Variants in MRTFB observed in about 807,000 individuals in gnomAD.
MRTFB encodes the protein myocardin related transcription factor B.
In MRTFB, 29 loss-of-function variants were observed where a neutral mutation model predicts 104.2. The ratio of observed to expected loss-of-function variants is 0.28; its 90% CI spans 0.21 to 0.38. The LOEUF (loss-of-function observed/expected upper bound fraction) is 0.38, where lower values mean the gene tolerates loss of function less well. Among genes scored for constraint, MRTFB ranks in the 10% least tolerant of loss-of-function variants. MRTFB has a pLI of 1.00. For synonymous variants in MRTFB, 535 were observed against 519.5 expected (o/e 1.03, Z -0.41); for missense variants, 1,270 against 1,341.6 (o/e 0.95, Z 0.83).
the MRTFB span, among the ~76,000 whole-genome samples, chr16:14,040,011 G>C: frequency 3.3e-5 from 5 of 152,132 alleles, no homozygotes; most frequent in Non-Finnish European, 7.4e-5. Flanking sequence ...GCCTCCCAAA[G>C]TGCTGGGATT....
At chr16:14,190,814 C>CA (rs1488721088) in intron 3 of MRTFB, among the ~76,000 whole-genome samples, 1 of 152,206 alleles carries the variant, frequency 6.6e-6, no homozygotes, top group Non-Finnish European at 1.5e-5. Flanking sequence ...GGGCTCCTGT[C>CA]ATTGTGTGGC....
the MRTFB span, among the ~76,000 whole-genome samples, chr16:14,045,824 G>A: frequency 6.6e-6 from 1 of 152,184 alleles, no homozygotes; most frequent in Non-Finnish European, 1.5e-5. Flanking sequence ...CGGTGCCTGT[G>A]CCCTCTGGTG....
the MRTFB span, among the ~76,000 whole-genome samples, chr16:14,032,795 G>A: frequency 4.7e-4 from 72 of 152,202 alleles, no homozygotes; most frequent in African/African-American, 1.4e-3. Context: ...CAGAGATTTG[G>A]AGAATTGCTT....
At chr16:14,029,026 C>T in the MRTFB span, among the ~76,000 whole-genome samples, 1 of 151,352 alleles carries the variant, frequency 6.6e-6, no homozygotes, top group Non-Finnish European at 1.5e-5. Flanking sequence ...GGATCTTAAA[C>T]GGTAACCAGA....
At chr16:14,080,975 A>G (rs2034363073) in intron 2 of MRTFB, among the ~76,000 whole-genome samples, 1 of 152,208 alleles carries the variant, frequency 6.6e-6, no homozygotes, top group African/African-American at 2.4e-5. Context: ...GTGAGAGTGC[A>G]GATTATCTCT....
chr16:14,025,499 A>G, the MRTFB span, among the ~76,000 whole-genome samples: 1 of 152,204 alleles, frequency 6.6e-6, no homozygotes, highest in African/African-American at 2.4e-5. Context: ...GTTAGGTATT[A>G]GAGAATAAAT....
intron 2 of MRTFB, among the ~76,000 whole-genome samples, chr16:14,109,354 T>C (rs905604294): frequency 6.6e-6 from 1 of 151,972 alleles, no homozygotes; most frequent in Non-Finnish European, 1.5e-5. Context: ...ATGTACTCAG[T>C]TTAAGTTTCT....
At chr16:14,248,641 CCTTA>C in intron 12 of MRTFB, 1 of 305,630 alleles carries the variant, frequency 3.3e-6, no homozygotes, top group Non-Finnish European at 6.1e-6. Context: ...TGTAGAACTG[CCTTA>C]GGTTCTTATT....
rs760304960 is a variant in MRTFB at position 14,140,748 on chromosome 16, G to A, written c.142G>A (p.Glu48Lys). 4.3e-5 allele frequency: 69 copies of A among 1,613,826 alleles called. No individual in the cohort carries two copies. Among genetic ancestry groups the A allele is most frequent in the Non-Finnish European group, 5.3e-5 (62 of 1,179,978 alleles). ...CAGTCAAAACTTACCCCCTCTGAAC[G>A]AAAGGAAAAATGGTGAGTTCAGCAT... is the stretch of plus-strand genomic sequence containing the variant. ...QSSQNLPPLNERKNVLQLRLQ... is the reference protein window; with the variant it reads ...QSSQNLPPLNKRKNVLQLRLQ... Residue 48 changes from glutamate (E) to lysine (K), a missense_variant, in exon 3 of 17, where the codon GAA (glutamate) becomes AAA (lysine). Physicochemically the swap from Glu to Lys is moderately conservative, Grantham distance 56. Coordinates refer to ENST00000571589, the MANE Select transcript of MRTFB (RefSeq NM_001308142.2).
the MRTFB span, among the ~76,000 whole-genome samples, chr16:14,023,616 T>C: frequency 7.8e-4 from 44 of 56,456 alleles, no homozygotes; most frequent in East Asian, 7.3e-3. Context: ...CACACATACA[T>C]ATACATATAC....
At chr16:14,138,404 C>A (rs940870330) in intron 2 of MRTFB, among the ~76,000 whole-genome samples, 1 of 152,030 alleles carries the variant, frequency 6.6e-6, no homozygotes, top group African/African-American at 2.4e-5. Context: ...TAAAGAATTT[C>A]TTGTAGTGTG....
chr16:14,098,394 A>C (rs1220975759), intron 2 of MRTFB, among the ~76,000 whole-genome samples: 1 of 152,072 alleles, frequency 6.6e-6, no homozygotes, highest in African/African-American at 2.4e-5. Flanking sequence ...CAAATCTTTT[A>C]TATGTTTATT....
intron 3 of MRTFB, among the ~76,000 whole-genome samples, chr16:14,196,758 C>G (rs1362738043): frequency 6.6e-6 from 1 of 152,186 alleles, no homozygotes; most frequent in African/African-American, 2.4e-5. Context: ...TGGAAGTTTG[C>G]TTACCCAGTG....
chr16:14,242,409 TTTGTG>T (rs2042812856), intron 10 of MRTFB, among the ~76,000 whole-genome samples: 1 of 152,212 alleles, frequency 6.6e-6, no homozygotes, highest in Non-Finnish European at 1.5e-5. Context: ...AACACTTATT[TTTGTG>T]TATTATTTAA....
At chr16:14,033,564 C>G in the MRTFB span, among the ~76,000 whole-genome samples, 1 of 151,776 alleles carries the variant, frequency 6.6e-6, no homozygotes, top group South Asian at 2.1e-4. Flanking sequence ...AGACCAGGTA[C>G]AGTGGCTCAC....
the MRTFB span, among the ~76,000 whole-genome samples, chr16:14,030,199 A>C: frequency 6.6e-6 from 1 of 152,134 alleles, no homozygotes; most frequent in Non-Finnish European, 1.5e-5. Flanking sequence ...GGAGCCTCAG[A>C]AAGCGTTCAG....
In MRTFB at chr16:14,252,412, A is replaced by G. The variant is rs774500137; in HGVS notation, c.2613A>G (p.Leu871=). 23 of 1,612,542 alleles carry G rather than the reference A, an allele frequency of 1.4e-5. No individual in the cohort carries two copies. The highest frequency in any genetic ancestry group is 1.9e-5 in the Non-Finnish European group (23 of 1,179,634). ...PPQQFVVQHS[L]FGSPVAKTKD... ...AGCAATTTGTCGTCCAGCACTCTCT[A>G]TTTGGGAGTCCAGTCGCCAAGACAA... The change falls in exon 15 of 17, where the codon CTA becomes CTG. Residue 871 remains leucine (L), a synonymous_variant. Coordinates refer to ENST00000571589, the MANE Select transcript of MRTFB (RefSeq NM_001308142.2).
intron 3 of MRTFB, among the ~76,000 whole-genome samples, chr16:14,196,953 TTC>T (rs2040458614): frequency 1.3e-5 from 2 of 150,976 alleles, no homozygotes; most frequent in South Asian, 2.1e-4. Context: ...CTTTAGTGCT[TTC>T]TCTTTTTTCT....
chr16:14,122,742 A>G (rs1201379669), intron 2 of MRTFB, among the ~76,000 whole-genome samples: 1 of 152,238 alleles, frequency 6.6e-6, no homozygotes, highest in African/African-American at 2.4e-5. Context: ...ATAGTGCCAC[A>G]GTAAACATAT....
Sources: gnomAD v4.1 joint callset for allele counts (sites outside exome capture counted in the v4.1 genomes callset) on GRCh38, gnomAD v4.1.1 for gene constraint, MANE v1.5 for transcripts, NCBI Gene and HGNC (gene_info 2026-07-23, HGNC 2026-07-21) for gene names.